The following RPS6KA2 variants were observed in gnomAD, a reference collection of about 807,000 sequenced individuals.
RPS6KA2 encodes the protein ribosomal protein S6 kinase A2.
In RPS6KA2, 42 loss-of-function variants were observed where a neutral mutation model predicts 91.8. That is an observed-to-expected ratio of 0.46 (90% CI 0.36 to 0.59). The LOEUF is 0.59. Among genes scored for constraint, RPS6KA2 ranks in the 20% least tolerant of loss-of-function variants. The probability of loss-of-function intolerance (pLI) is 0.00; values close to 1 mark genes in which losing one functional copy is unlikely to be tolerated. For missense variants in RPS6KA2, 798 were observed against 978.5 expected (o/e 0.82, Z 2.46); for synonymous variants, 414 against 393.6 (o/e 1.05, Z -0.61).
At chr6:166,702,293 G>A (rs1789548278) in intron 2 of RPS6KA2, 5 of 1,613,472 alleles carry the variant, frequency 3.1e-6, no homozygotes, top group South Asian at 1.1e-5. Flanking sequence ...CTGCCTTGAG[G>A]AGCCCCTCTG....
chr6:166,435,880 C>T lies in RPS6KA2; in HGVS notation c.1333-3390G>A, dbSNP rs1562491820. Among the ~76,000 whole-genome samples the T allele has an allele frequency of 1.3e-5, 2 of 152,314 alleles. No individual in the cohort carries two copies. Among genetic ancestry groups the T allele is most frequent in the African/African-American group, 4.8e-5 (2 of 41,572 alleles). ...TTGCTCCTGGGGAGGCCACGTGCTG[C>T]GTGGTTGGCGGCCCAGCCGCTGAGC... On this transcript the variant is annotated intron_variant, in intron 14 of 20. Transcript: ENST00000265678. This position sits in a 1 kb window ranked among gnomAD's most constrained non-coding sequence, Gnocchi z 4.3.
intron 1 of RPS6KA2, among the ~76,000 whole-genome samples, chr6:166,621,934 CCACT>C (rs1458479042): frequency 6.6e-6 from 1 of 152,164 alleles, no homozygotes; most frequent in Non-Finnish European, 1.5e-5. Context: ...CTTCTCCCAC[CCACT>C]ATTAAATTGC....
chr6:166,664,491 C>T (rs1788260629), intron 2 of RPS6KA2, among the ~76,000 whole-genome samples: 1 of 152,212 alleles, frequency 6.6e-6, no homozygotes, highest in South Asian at 2.1e-4. Context: ...GAAGATGAAA[C>T]TGTGCCTGCC....
At chr6:166,798,519 C>G (rs1779281154) in intron 2 of RPS6KA2, among the ~76,000 whole-genome samples, 1 of 152,228 alleles carries the variant, frequency 6.6e-6, no homozygotes, top group East Asian at 1.9e-4. Flanking sequence ...TGAGCGCTCC[C>G]TGTTCCGGCT....
At chr6:166,790,197 C>T (rs1024019480) in intron 2 of RPS6KA2, among the ~76,000 whole-genome samples, 4 of 152,130 alleles carry the variant, frequency 2.6e-5, no homozygotes, top group Middle Eastern at 3.4e-3. Context: ...AGTCAAGGGT[C>T]GAGAATTACG....
intron 2 of RPS6KA2, among the ~76,000 whole-genome samples, chr6:166,537,126 C>T (rs757543432): frequency 1.3e-5 from 2 of 152,264 alleles, no homozygotes; most frequent in Non-Finnish European, 2.9e-5. Context: ...GGGCCTCCGC[C>T]ATGGGATGTA....
intron 2 of RPS6KA2, among the ~76,000 whole-genome samples, chr6:166,727,918 T>C (rs1472754993): frequency 1.3e-5 from 2 of 152,130 alleles, no homozygotes; most frequent in East Asian, 3.9e-4. Context: ...TTGCCACCCA[T>C]GAATTCAACC....
intron 1 of RPS6KA2, among the ~76,000 whole-genome samples, chr6:166,562,065 A>G (rs1252433042): frequency 2.6e-5 from 4 of 152,206 alleles, no homozygotes; most frequent in African/African-American, 9.6e-5. Flanking sequence ...GGAGGAACAC[A>G]GTCACCCGAA....
intron 1 of RPS6KA2, among the ~76,000 whole-genome samples, chr6:166,572,680 C>A (rs886533262): frequency 4.6e-5 from 7 of 152,230 alleles, no homozygotes; most frequent in African/African-American, 1.7e-4. Context: ...GGTGGCTGAA[C>A]CTGGACCAGC....
At chr6:166,593,282 G>C (rs1420961784) in intron 1 of RPS6KA2, among the ~76,000 whole-genome samples, 3 of 152,042 alleles carry the variant, frequency 2.0e-5, no homozygotes, top group African/African-American at 4.8e-5. Context: ...GAACAAAATA[G>C]AATAGAATGA....
chr6:166,592,080 A>G (rs763757112), intron 1 of RPS6KA2, among the ~76,000 whole-genome samples: 3 of 152,258 alleles, frequency 2.0e-5, no homozygotes, highest in Non-Finnish European at 2.9e-5. Flanking sequence ...AAGTTCTCAG[A>G]AGTCCTGAAA....
intron 10 of RPS6KA2, among the ~76,000 whole-genome samples, chr6:166,475,068 C>G (rs551786361): frequency 6.6e-6 from 1 of 152,174 alleles, no homozygotes; most frequent in Non-Finnish European, 1.5e-5. Flanking sequence ...AGTCCTCCAC[C>G]TGGGAGGCGT....
At chr6:166,457,198 T>C (rs745396490) in intron 12 of RPS6KA2, among the ~76,000 whole-genome samples, 30 of 152,224 alleles carry the variant, frequency 2.0e-4, no homozygotes, top group Non-Finnish European at 3.4e-4. Flanking sequence ...GGGACAACGA[T>C]CTCGTGGTCA....
chr6:166,523,200 T>A (rs188019531), intron 3 of RPS6KA2, among the ~76,000 whole-genome samples: 4 of 152,338 alleles, frequency 2.6e-5, no homozygotes, highest in Non-Finnish European at 5.9e-5. Context: ...GTGATGTTTA[T>A]CTGAAATGCA....
Position 166,702,237 on chromosome 6 carries a change from G to A in RPS6KA2, c.123+155963C>T. On this transcript the variant is annotated intron_variant, in intron 2 of 21. Transcript: ENST00000503859. Reference sequence around the variant, plus strand: ...AATTGGGTGGGAACCAGCAGGCACAGAGGCAAATCACATGGTTTCTGCTTG... The same window carrying A: ...AATTGGGTGGGAACCAGCAGGCACAAAGGCAAATCACATGGTTTCTGCTTG... The A allele has an allele frequency of 2.5e-6, 4 of 1,612,244 alleles. No homozygotes were observed. In the South Asian group the frequency reaches 4.4e-5, roughly 18 times the overall value.
intron 2 of RPS6KA2, among the ~76,000 whole-genome samples, chr6:166,668,692 G>A (rs554048141): frequency 6.6e-6 from 1 of 152,278 alleles, no homozygotes; most frequent in Admixed American, 6.5e-5. Context: ...GGCACAGGGA[G>A]GCTGGTTCTG....
At chr6:166,558,443 C>T (rs1469511208) in intron 1 of RPS6KA2, among the ~76,000 whole-genome samples, 1 of 152,156 alleles carries the variant, frequency 6.6e-6, no homozygotes, top group Non-Finnish European at 1.5e-5. Flanking sequence ...TTAAAACCAT[C>T]CACAAACACC....
At chr6:166,810,681 G>A (rs755336304) in intron 2 of RPS6KA2, among the ~76,000 whole-genome samples, 23 of 152,150 alleles carry the variant, frequency 1.5e-4, no homozygotes, top group African/African-American at 2.4e-4. Context: ...GTCTAGGTCC[G>A]GATAAAAGCC....
At chr6:166,528,965 T>C (rs957604352) in intron 3 of RPS6KA2, among the ~76,000 whole-genome samples, 9 of 152,348 alleles carry the variant, frequency 5.9e-5, no homozygotes, top group African/African-American at 1.9e-4. Flanking sequence ...ACTTTTACAC[T>C]GTTGGTGGGA....
Sources: allele counts gnomAD v4.1 joint callset (sites outside exome capture counted in the v4.1 genomes callset), GRCh38; gene constraint gnomAD v4.1.1; non-coding constraint Gnocchi (gnomAD v3.1); transcripts MANE v1.5; gene names NCBI Gene and HGNC (gene_info 2026-07-23, HGNC 2026-07-21).